PTCHD4: variants seen among roughly 807,000 people sequenced by gnomAD.
PTCHD4 encodes the protein patched domain-containing protein 4.
In PTCHD4, 33 loss-of-function variants were observed where a neutral mutation model predicts 58.1. That is an observed-to-expected ratio of 0.57 (90% CI 0.43 to 0.76). PTCHD4 has a LOEUF of 0.76. Ranked by LOEUF, PTCHD4 falls within the 30% of genes least tolerant of loss-of-function variation. The probability of loss-of-function intolerance (pLI) is 0.00; values close to 1 mark genes in which losing one functional copy is unlikely to be tolerated. For missense variants in PTCHD4, 1,058 were observed against 1,027.1 expected, an observed-to-expected ratio of 1.03 and a Z score of -0.41; for synonymous variants, 478 against 409.6, an observed-to-expected ratio of 1.17 and a Z score of -2.02.
chr6:47,946,386 T>C (rs1319578008), intron 4 of PTCHD4, among the ~76,000 whole-genome samples: 1 of 152,178 alleles, frequency 6.6e-6, no homozygotes, highest in East Asian at 1.9e-4. Flanking sequence ...TAAGAATATA[T>C]CAGAATTGTT....
At chr6:48,081,032 G>A (rs918758320) in intron 1 of PTCHD4, among the ~76,000 whole-genome samples, 1 of 152,150 alleles carries the variant, frequency 6.6e-6, no homozygotes, top group African/African-American at 2.4e-5. Context: ...CAAAGGCAAG[G>A]TGGGCAAGTA....
At chr6:48,088,853 G>A (rs1210261782) in intron 1 of PTCHD4, among the ~76,000 whole-genome samples, 1 of 152,044 alleles carries the variant, frequency 6.6e-6, no homozygotes. Context: ...AGACCAGCCT[G>A]GCCAACCTGG....
At chr6:47,989,206 A>G (rs1768192946) in intron 4 of PTCHD4, among the ~76,000 whole-genome samples, 3 of 152,200 alleles carry the variant, frequency 2.0e-5, no homozygotes, top group Admixed American at 2.0e-4. Flanking sequence ...TATCAGAAGA[A>G]ATTTCTAAGC....
rs1394983311 is a variant in PTCHD4, at chr6:47,878,179, T to C, written c.*124A>G. On this transcript the variant is annotated 3_prime_UTR_variant, in exon 5 of 5. Transcript: ENST00000339488. ...AGGCACCTTGAAGTGTCATGAATAATGCACTCTTGATCTGACTTGCCTTGT... is the reference window on the plus strand; with the variant it reads ...AGGCACCTTGAAGTGTCATGAATAACGCACTCTTGATCTGACTTGCCTTGT... The C allele has an allele frequency of 6.3e-6, 5 of 792,026 alleles. No individual in the cohort carries two copies. Among genetic ancestry groups the C allele is most frequent in the African/African-American group, 3.5e-5 (2 of 57,702 alleles). 49.1% of individuals were successfully genotyped at this position (792,026 alleles called of 1,614,324 possible). A position where few individuals can be genotyped will look rare whatever the true frequency, so the allele number is the denominator to read the frequency against.
At chr6:47,908,242 G>T (rs556170443) in intron 4 of PTCHD4, among the ~76,000 whole-genome samples, 1 of 152,200 alleles carries the variant, frequency 6.6e-6, no homozygotes, top group African/African-American at 2.4e-5. Flanking sequence ...CTATAACATG[G>T]TCTTATAACG....
chr6:47,974,353 A>G (rs1421191345), intron 4 of PTCHD4, among the ~76,000 whole-genome samples: 2 of 152,186 alleles, frequency 1.3e-5, no homozygotes, highest in East Asian at 3.9e-4. Context: ...AAATACATTC[A>G]TTGTAATTAA....
At chr6:47,964,413 C>A (rs1236163958) in intron 4 of PTCHD4, among the ~76,000 whole-genome samples, 4 of 152,012 alleles carry the variant, frequency 2.6e-5, no homozygotes, top group Admixed American at 6.6e-5. Context: ...CACATATAAG[C>A]CTCCACAGTT....
chr6:47,930,595 AACTATG>A (rs1386410067), intron 4 of PTCHD4, among the ~76,000 whole-genome samples: 3 of 152,196 alleles, frequency 2.0e-5, no homozygotes, highest in African/African-American at 7.2e-5. Flanking sequence ...AGTTCATAAG[AACTATG>A]TATGCTCAGA....
intron 3 of PTCHD4, among the ~76,000 whole-genome samples, chr6:48,018,848 T>G (rs569181568): frequency 3.5e-4 from 54 of 152,322 alleles, no homozygotes; most frequent in Middle Eastern, 3.4e-3. Flanking sequence ...TGGCCACCAC[T>G]AACGCAGGAG....
intron 3 of PTCHD4, among the ~76,000 whole-genome samples, chr6:48,010,745 C>T (rs375233903): frequency 3.9e-4 from 60 of 152,242 alleles, no homozygotes; most frequent in African/African-American, 1.4e-3. Context: ...TATCCATCTC[C>T]TAGCCCACCA....
intron 3 of PTCHD4, among the ~76,000 whole-genome samples, chr6:48,050,183 T>G (rs559410813): frequency 6.6e-6 from 1 of 151,974 alleles, no homozygotes; most frequent in South Asian, 2.1e-4. Flanking sequence ...TTATTAGGGC[T>G]TCAGATGAGT....
At chr6:48,016,745 C>T (rs1306830868) in intron 3 of PTCHD4, among the ~76,000 whole-genome samples, 1 of 150,620 alleles carries the variant, frequency 6.6e-6, no homozygotes, top group Non-Finnish European at 1.5e-5. Flanking sequence ...GAGTAGAAAA[C>T]TAAACTCTCA....
intron 3 of PTCHD4, among the ~76,000 whole-genome samples, chr6:48,037,754 AG>A (rs1335184243): frequency 6.6e-6 from 1 of 152,164 alleles, no homozygotes; most frequent in African/African-American, 2.4e-5. Flanking sequence ...ATAGAAAATG[AG>A]GTGGCACACA....
At chr6:47,984,493 C>T (rs1767992532) in intron 4 of PTCHD4, among the ~76,000 whole-genome samples, 1 of 152,098 alleles carries the variant, frequency 6.6e-6, no homozygotes, top group African/African-American at 2.4e-5. Flanking sequence ...CCTCCCTAGA[C>T]ATATGGGGAT....
intron 1 of PTCHD4, among the ~76,000 whole-genome samples, chr6:48,078,268 G>A (rs1244425886): frequency 6.6e-6 from 1 of 152,186 alleles, no homozygotes; most frequent in South Asian, 2.1e-4. Context: ...GGTGATTCAT[G>A]TATTTGCACA....
At chr6:47,999,221 C>T (rs888582737) in intron 4 of PTCHD4, among the ~76,000 whole-genome samples, 2 of 152,186 alleles carry the variant, frequency 1.3e-5, no homozygotes, top group African/African-American at 4.8e-5. Flanking sequence ...AGGGACAAGA[C>T]ATCTAGCAGG....
chr6:48,093,928 C>T (rs964330904), intron 1 of PTCHD4, among the ~76,000 whole-genome samples: 2 of 152,132 alleles, frequency 1.3e-5, no homozygotes, highest in Non-Finnish European at 2.9e-5. Flanking sequence ...AGATTCAAAG[C>T]TGTCATTTGA....
chr6:48,050,988 T>C (rs999845189), intron 3 of PTCHD4, among the ~76,000 whole-genome samples: 1 of 151,890 alleles, frequency 6.6e-6, no homozygotes, highest in Non-Finnish European at 1.5e-5. Context: ...AAGAGAAAAA[T>C]GCACATTTTC....
intron 4 of PTCHD4, among the ~76,000 whole-genome samples, chr6:47,965,095 A>G (rs1767234844): frequency 6.6e-6 from 1 of 152,000 alleles, no homozygotes; most frequent in Admixed American, 6.6e-5. Context: ...TTTACTCTTT[A>G]TTTTTCCTCT....
Sources: allele counts gnomAD v4.1 joint callset (sites outside exome capture counted in the v4.1 genomes callset), GRCh38; gene constraint gnomAD v4.1.1; transcripts MANE v1.5; gene names NCBI Gene and HGNC (gene_info 2026-07-23, HGNC 2026-07-21).